The following SPATA6 variants were observed in gnomAD, a reference collection of about 807,000 sequenced individuals.
SPATA6 encodes the protein spermatogenesis-associated protein 6.
In SPATA6, 56 loss-of-function variants were observed where a neutral mutation model predicts 65.3. That is an observed-to-expected ratio of 0.86 (90% confidence interval 0.69 to 1.07). The LOEUF is 1.07. Among genes scored for constraint, SPATA6 ranks in the 50% least tolerant of loss-of-function variants. The probability of loss-of-function intolerance (pLI) is 0.00; values close to 1 mark genes in which losing one functional copy is unlikely to be tolerated. For synonymous variants in SPATA6, 199 were observed against 213.2 expected (o/e 0.93, Z 0.58); for missense variants, 590 against 594.8 (o/e 0.99, Z 0.08).
intron 9 of SPATA6, among the ~76,000 whole-genome samples, chr1:48,376,002 A>G: frequency 6.6e-6 from 1 of 152,310 alleles, no homozygotes; most frequent in Non-Finnish European, 1.5e-5. Flanking sequence ...TCCTTAAAAG[A>G]TTTGCTAGCC....
intron 9 of SPATA6, among the ~76,000 whole-genome samples, chr1:48,372,257 G>A (rs151034365): frequency 2.0e-5 from 3 of 152,120 alleles, no homozygotes; most frequent in Admixed American, 6.5e-5. Flanking sequence ...AGACACAATG[G>A]GGGTACAGGT....
intron 1 of SPATA6, among the ~76,000 whole-genome samples, chr1:48,455,202 C>T (rs1022692993): frequency 6.6e-6 from 1 of 152,100 alleles, no homozygotes; most frequent in African/African-American, 2.4e-5. Flanking sequence ...CCCAGAGATA[C>T]AACTAGTCTA....
At chr1:48,381,234 G>A (rs906748687) in intron 9 of SPATA6, among the ~76,000 whole-genome samples, 10 of 152,078 alleles carry the variant, frequency 6.6e-5, no homozygotes, top group African/African-American at 2.4e-4. Flanking sequence ...CTGCTATACA[G>A]GAAGAGCCCT....
At chr1:48,395,504 GT>G (rs1650504679) in intron 7 of SPATA6, 150 bp from the exon 8 acceptor site, 1 of 425,746 alleles carries the variant, frequency 2.3e-6, no homozygotes. Context: ...GTTCCAAAGA[GT>G]TTATTCAAGT....
intron 11 of SPATA6, chr1:48,325,320 G>C: frequency 8.1e-7 from 1 of 1,233,092 alleles, no homozygotes; most frequent in Non-Finnish European, 1.2e-6. Context: ...ACTGTGTGTA[G>C]GGCACAGGCC....
chr1:48,380,084 A>G (rs1226526411), intron 9 of SPATA6, among the ~76,000 whole-genome samples: 1 of 152,258 alleles, frequency 6.6e-6, no homozygotes, highest in Non-Finnish European at 1.5e-5. Flanking sequence ...AGAAAAAAGA[A>G]AAAGTGAGAA....
chr1:48,459,204 CAAAAAAAAAAAA>C (rs35079974), intron 1 of SPATA6, among the ~76,000 whole-genome samples: 2 of 66,394 alleles, frequency 3.0e-5, no homozygotes, highest in African/African-American at 5.5e-5. Flanking sequence ...GACTCCATAT[CAAAAAAAAAAAA>C]AAAAAAAAAG....
At chr1:48,452,568 C>T (rs1040660807) in intron 2 of SPATA6, among the ~76,000 whole-genome samples, 1 of 151,898 alleles carries the variant, frequency 6.6e-6, no homozygotes, top group South Asian at 2.1e-4. Flanking sequence ...ATTTTTAGAA[C>T]AGACAGGGTT....
intron 11 of SPATA6, among the ~76,000 whole-genome samples, chr1:48,336,315 A>G (rs950026712): frequency 4.6e-5 from 7 of 152,214 alleles, no homozygotes; most frequent in Non-Finnish European, 8.8e-5. Context: ...TTCTACAACA[A>G]AGATACATGC....
chr1:48,368,729 C>T (rs964891585), intron 9 of SPATA6, among the ~76,000 whole-genome samples: 1 of 152,106 alleles, frequency 6.6e-6, no homozygotes, highest in African/African-American at 2.4e-5. Context: ...ACTTCTTTGC[C>T]ATTGGTTTGA....
At chr1:48,314,508 A>T (rs145290537) in intron 11 of SPATA6, among the ~76,000 whole-genome samples, 3,903 of 152,300 alleles carry the variant, frequency 0.026, 106 homozygotes, top group African/African-American at 0.071. Flanking sequence ...ACAAAGACAC[A>T]ACATACCAGA....
chr1:48,443,836 G>T (rs1309690869), intron 3 of SPATA6, among the ~76,000 whole-genome samples: 1 of 152,096 alleles, frequency 6.6e-6, no homozygotes, highest in Non-Finnish European at 1.5e-5. Flanking sequence ...TAACCTCCTT[G>T]TCAAATTTGT....
rs537306616 is a variant in SPATA6, at chr1:48,424,557, C to T, written c.239-11406G>A. 1.8e-4 allele frequency among the ~76,000 whole-genome samples: 27 copies of T among 152,218 alleles called. No homozygotes were observed. The South Asian group carries it at 3.5e-3, about 20-fold the overall frequency. ...CTCTTATTTTTAGTTTTCTGAGGAACCTCCACACTGTTCTCCACAGTGGTT... is the reference window on the plus strand; with the variant it reads ...CTCTTATTTTTAGTTTTCTGAGGAATCTCCACACTGTTCTCCACAGTGGTT... On this transcript the variant is annotated intron_variant, in intron 3 of 12. Transcript: ENST00000371847.
At chr1:48,375,107 C>T (rs1438734108) in intron 9 of SPATA6, among the ~76,000 whole-genome samples, 1 of 152,162 alleles carries the variant, frequency 6.6e-6, no homozygotes, top group Non-Finnish European at 1.5e-5. Context: ...TCCTCTGTGA[C>T]TTCTTTTAGC....
intron 3 of SPATA6, among the ~76,000 whole-genome samples, chr1:48,430,186 A>G (rs1320129135): frequency 6.6e-6 from 1 of 152,150 alleles, no homozygotes; most frequent in Non-Finnish European, 1.5e-5. Context: ...CCACAATGAG[A>G]CACATTATAA....
In SPATA6 at chr1:48,296,459, CT is replaced by C. The variant is rs1397396282; in HGVS notation, c.*2253del. ...TTCTAAAGTTTCCCTTTCAGCCCTA[CT>C]TTTTGCAGCCTTTTTCACAGCCAAT... On this transcript the variant is annotated 3_prime_UTR_variant, in exon 13 of 13. Transcript: ENST00000371847. 6.6e-6 allele frequency: 1 copy of C among 152,176 alleles called. No individual in the cohort carries two copies. Among genetic ancestry groups the C allele is most frequent in the African/African-American group, 2.4e-5 (1 of 41,452 alleles). The allele number at this position is 152,176 out of a possible 1,614,324, so 9.4% of individuals were successfully genotyped here.
Position 48,370,657 on chromosome 1 carries a change from C to T in SPATA6, c.910-10887G>A, listed in dbSNP as rs116573883. On this transcript the variant is annotated intron_variant, in intron 9 of 12. Coordinates refer to ENST00000371847, the MANE Select transcript of SPATA6 (RefSeq NM_019073.4). Reference sequence around the variant, plus strand: ...CTTAGACCACTGTTCTATTCACTTACATATAGAAAACTTTTTAAATCCTCA... The same window carrying T: ...CTTAGACCACTGTTCTATTCACTTATATATAGAAAACTTTTTAAATCCTCA... Among the ~76,000 whole-genome samples, 694 of 152,284 alleles carry T rather than the reference C, an allele frequency of 4.6e-3. 4 individuals carry two copies. The highest frequency in any genetic ancestry group is 0.015 in the African/African-American group (620 of 41,552).
chr1:48,441,549 T>G (rs777991478), intron 3 of SPATA6, among the ~76,000 whole-genome samples: 1 of 152,150 alleles, frequency 6.6e-6, no homozygotes, highest in Non-Finnish European at 1.5e-5. Flanking sequence ...TGTCCCCTGC[T>G]TGAGGAGGGA....
chr1:48,389,240 A>G (rs963659584), intron 8 of SPATA6, among the ~76,000 whole-genome samples: 1 of 152,222 alleles, frequency 6.6e-6, no homozygotes, highest in African/African-American at 2.4e-5. Context: ...TAACCCAGTC[A>G]GGCAAAAATA....
Sources: gnomAD v4.1 joint callset for allele counts (sites outside exome capture counted in the v4.1 genomes callset) on GRCh38, gnomAD v4.1.1 for gene constraint, MANE v1.5 for transcripts, NCBI Gene and HGNC (gene_info 2026-07-23, HGNC 2026-07-21) for gene names.